Variants in PCDHA9 observed in about 807,000 individuals in gnomAD.
PCDHA9 encodes the protein protocadherin alpha-9.
Under a neutral mutation model 62.0 loss-of-function variants are expected in PCDHA9, and 62 were observed. The observed-to-expected ratio is 1.00, with a 90% CI of 0.81 to 1.23. PCDHA9 has a LOEUF of 1.23. Among genes scored for constraint, PCDHA9 ranks in the 50% most tolerant of loss-of-function variants. PCDHA9 has a pLI of 0.00. For synonymous variants in PCDHA9, 557 were observed against 567.6 expected, an observed-to-expected ratio of 0.98 and a Z score of 0.27; for missense variants, 1,205 against 1,249.8, an observed-to-expected ratio of 0.96 and a Z score of 0.54.
In PCDHA9 at chr5:140,856,987, C is replaced by T. The variant is rs144244943; in HGVS notation, c.2394+6098C>T. ...ATGCTATTGACTTTGAGGACAGTAA[C>T]ACTTATGAAATTCATGTAGATGTTA... On this transcript the variant is annotated intron_variant, in intron 1 of 3. Coordinates refer to ENST00000532602, the MANE Select transcript of PCDHA9 (RefSeq NM_031857.2). The T allele has an allele frequency of 7.5e-6, 12 of 1,595,122 alleles. No individual in the cohort carries two copies. The African/African-American group carries it at 1.3e-4, about 18-fold the overall frequency.
At chr5:140,881,304 C>T (rs1011967816) in intron 1 of PCDHA9, 1 of 965,928 alleles carries the variant, frequency 1.0e-6, no homozygotes, top group South Asian at 4.8e-5. Flanking sequence ...AAACTTTAAC[C>T]TCCTGGTTAA....
intron 1 of PCDHA9, among the ~76,000 whole-genome samples, chr5:140,912,310 A>G (rs936183695): frequency 4.0e-5 from 6 of 151,764 alleles, no homozygotes; most frequent in African/African-American, 1.2e-4. Context: ...AATCCAGTCA[A>G]GTTGACCCTC....
chr5:140,967,107 G>A (rs782199698), intron 1 of PCDHA9: 12 of 1,612,876 alleles, frequency 7.4e-6, no homozygotes, highest in Non-Finnish European at 9.3e-6. Context: ...TGTGAGCAGC[G>A]GCCTCGCTGC....
chr5:140,921,631 T>C (rs1435281144), intron 1 of PCDHA9, among the ~76,000 whole-genome samples: 2 of 152,206 alleles, frequency 1.3e-5, no homozygotes, highest in Non-Finnish European at 2.9e-5. Flanking sequence ...ATCATCATTA[T>C]GGTAGCTATT....
intron 1 of PCDHA9, among the ~76,000 whole-genome samples, chr5:140,950,234 T>C (rs1423756424): frequency 1.3e-5 from 2 of 152,028 alleles, no homozygotes; most frequent in Non-Finnish European, 2.9e-5. Flanking sequence ...TCTAGTGCCA[T>C]TAATTTGTTC....
At position 141,011,769 on chromosome 5, in the gene PCDHA9, A is replaced by C. The variant is rs2098421803; in HGVS notation, c.*1832A>C. 1 of 153,794 alleles carries C rather than the reference A, an allele frequency of 6.5e-6. No homozygotes were observed. The highest frequency in any genetic ancestry group is 1.5e-5 in the Non-Finnish European group (1 of 68,040). 9.5% of individuals were successfully genotyped at this position (153,794 alleles called of 1,614,324 possible). On this transcript the variant is annotated 3_prime_UTR_variant, in exon 4 of 4. Coordinates refer to ENST00000532602, the MANE Select transcript of PCDHA9 (RefSeq NM_031857.2). ...AATCTGACCTCTTTGAAGTTGCAGA[A>C]TGCTTTGAAATTCTAATGGTATCTG... is the stretch of plus-strand genomic sequence containing the variant.
intron 1 of PCDHA9, chr5:140,877,359 C>T: frequency 1.2e-6 from 2 of 1,614,010 alleles, no homozygotes; most frequent in South Asian, 1.1e-5. Context: ...TGTACACTGG[C>T]GAGATCAGCA....
intron 1 of PCDHA9, among the ~76,000 whole-genome samples, chr5:140,942,616 T>C (rs2093340049): frequency 1.0e-5 from 1 of 99,878 alleles, no homozygotes. Context: ...TATTTGCCAA[T>C]TGTAAAAAAA....
At chr5:140,964,446 G>A (rs782155669) in intron 1 of PCDHA9, among the ~76,000 whole-genome samples, 2 of 152,100 alleles carry the variant, frequency 1.3e-5, no homozygotes, top group Non-Finnish European at 2.9e-5. Context: ...CTCTGCCACT[G>A]TAATCTCTTC....
At chr5:140,975,343 A>G (rs997568363) in intron 1 of PCDHA9, among the ~76,000 whole-genome samples, 1 of 152,224 alleles carries the variant, frequency 6.6e-6, no homozygotes, top group Middle Eastern at 3.2e-3. Context: ...TCCCTTTCTT[A>G]AAGCCAACTG....
intron 1 of PCDHA9, among the ~76,000 whole-genome samples, chr5:140,878,691 A>G (rs2057689901): frequency 6.6e-6 from 1 of 152,168 alleles, no homozygotes; most frequent in Non-Finnish European, 1.5e-5. Context: ...AGTCTTACAT[A>G]CCCCAGCCTG....
intron 1 of PCDHA9, chr5:140,969,574 G>T (rs948199454): frequency 1.0e-6 from 1 of 983,446 alleles, no homozygotes; most frequent in Non-Finnish European, 1.5e-6. Context: ...TGTTTGAGAA[G>T]TGAGGATTAG....
At chr5:141,009,584 AT>A in intron 3 of PCDHA9, 42 bp from the exon 4 acceptor site, 1 of 1,592,004 alleles carries the variant, frequency 6.3e-7, no homozygotes, top group Non-Finnish European at 8.6e-7. Flanking sequence ...CATCAAGAGC[AT>A]GTGTTGACCC....
intron 1 of PCDHA9, among the ~76,000 whole-genome samples, chr5:140,872,029 A>C (rs782304127): frequency 7.9e-5 from 12 of 152,224 alleles, no homozygotes; most frequent in Admixed American, 2.6e-4. Context: ...GGAACTGCTA[A>C]GCTCAAAGAA....
At chr5:140,895,080 C>T (rs537991545) in intron 1 of PCDHA9, among the ~76,000 whole-genome samples, 11 of 152,246 alleles carry the variant, frequency 7.2e-5, no homozygotes, top group Admixed American at 1.3e-4. Context: ...CTATCAGTTC[C>T]TCCTCAGTAT....
intron 1 of PCDHA9, among the ~76,000 whole-genome samples, chr5:140,911,760 A>G (rs1295639313): frequency 6.6e-6 from 1 of 151,962 alleles, no homozygotes; most frequent in African/African-American, 2.4e-5. Flanking sequence ...TCTCCATACT[A>G]TTAGAAGTAC....
chr5:140,932,700 AT>A (rs2088549755), intron 1 of PCDHA9, among the ~76,000 whole-genome samples: 1 of 151,992 alleles, frequency 6.6e-6, no homozygotes, highest in Non-Finnish European at 1.5e-5. Context: ...AAAAACTCAT[AT>A]AGACAACACA....
At chr5:140,898,371 G>A (rs13156913) in intron 1 of PCDHA9, among the ~76,000 whole-genome samples, 3 of 152,142 alleles carry the variant, frequency 2.0e-5, no homozygotes, top group African/African-American at 7.2e-5. Flanking sequence ...TTTGTATAAG[G>A]TGTAAGGAAG....
At chr5:140,914,451 C>A (rs879984519) in intron 1 of PCDHA9, among the ~76,000 whole-genome samples, 1 of 152,094 alleles carries the variant, frequency 6.6e-6, no homozygotes, top group Non-Finnish European at 1.5e-5. Context: ...TCTTTATTTT[C>A]CAGTCTATGT....
Sources: gnomAD v4.1 joint callset for allele counts (sites outside exome capture counted in the v4.1 genomes callset) on GRCh38, gnomAD v4.1.1 for gene constraint, MANE v1.5 for transcripts, NCBI Gene and HGNC (gene_info 2026-07-23, HGNC 2026-07-21) for gene names.